The following SOX30 variants were observed in gnomAD, a reference collection of about 807,000 sequenced individuals.
SOX30 encodes transcription factor SOX-30.
Under a neutral mutation model 58.6 loss-of-function variants are expected in SOX30, and 17 were observed. The ratio of observed to expected loss-of-function variants is 0.29; its 90% CI spans 0.20 to 0.44. The LOEUF is 0.44. Among genes scored for constraint, SOX30 ranks in the 20% least tolerant of loss-of-function variants. The pLI, the probability that SOX30 is intolerant of heterozygous loss-of-function variation, is 1.00. For synonymous variants in SOX30, 421 were observed against 400.2 expected, an observed-to-expected ratio of 1.05 and a Z score of -0.62; for missense variants, 951 against 965.8, an observed-to-expected ratio of 0.98 and a Z score of 0.20.
intron 2 of SOX30, among the ~76,000 whole-genome samples, chr5:157,647,031 A>G (rs920339357): frequency 6.6e-6 from 1 of 151,714 alleles, no homozygotes. Context: ...GGCCAATGTT[A>G]TAACTCATCA....
At position 157,626,475 on chromosome 5, in the gene SOX30, G is replaced by C; in HGVS notation, c.2127C>G (p.Asn709Lys). The change falls in exon 5 of 5, where the codon AAC becomes AAG. Residue 709 changes from asparagine to lysine, a missense_variant. Coordinates refer to ENST00000265007, the MANE Select transcript of SOX30 (RefSeq NM_178424.2). The stretch of plus-strand genomic sequence containing the variant: ...TTCCAATGTCCAGCTGAGGCACAGG[G>C]TTTAAGTTTTCTTCCCCACTGTGGC... Reference protein sequence around the residue: ...SHSHSGEENLNPVPQLDIGTL... With the variant: ...SHSHSGEENLKPVPQLDIGTL... 6.2e-7 allele frequency: 1 copy of C among 1,614,162 alleles called. No individual in the cohort carries two copies. Among genetic ancestry groups the C allele is most frequent in the Non-Finnish European group, 8.5e-7 (1 of 1,180,038 alleles).
At chr5:157,649,508 G>A (rs1759275505) in intron 1 of SOX30, among the ~76,000 whole-genome samples, 1 of 152,092 alleles carries the variant, frequency 6.6e-6, no homozygotes, top group South Asian at 2.1e-4. Flanking sequence ...TAATTTTTTG[G>A]GCCAGGTACG....
At chr5:157,626,900 A>C (rs3828689) in intron 4 of SOX30, among the ~76,000 whole-genome samples, 179 bp from the exon 5 acceptor site, 35,565 of 152,190 alleles carry the variant, frequency 0.23, 6,240 homozygotes, top group African/African-American at 0.49. Flanking sequence ...GGAACAGGAA[A>C]GGGAGCTTGT....
At chr5:157,631,774 A>G (rs1758815698) in intron 4 of SOX30, among the ~76,000 whole-genome samples, 1 of 151,142 alleles carries the variant, frequency 6.6e-6, no homozygotes. Flanking sequence ...CAAAAAAAAA[A>G]AAAAAAAAAT....
In SOX30 at chr5:157,651,552, C is replaced by T; in HGVS notation, c.527G>A (p.Gly176Asp). The change falls in exon 1 of 5, where the codon GGC becomes GAC. Residue 176 changes from glycine (G) to aspartate (D), a missense_variant. Transcript: ENST00000265007. Reference sequence around the variant, plus strand: ...GCCCTTCTCGTCCCCTCGGAAGTAGCCGAGGGCCGGCCCGGGGCCTTCCAA... The same window carrying T: ...GCCCTTCTCGTCCCCTCGGAAGTAGTCGAGGGCCGGCCCGGGGCCTTCCAA... ...VKLEGPGPAL[G>D]YFRGDEKGKL... 6.2e-7 allele frequency: 1 copy of T among 1,613,076 alleles called. No individual in the cohort carries two copies.
intron 2 of SOX30, among the ~76,000 whole-genome samples, chr5:157,663,763 T>C (rs950894461): frequency 6.6e-6 from 1 of 152,162 alleles, no homozygotes; most frequent in Non-Finnish European, 1.5e-5. Context: ...AGTCTCAGGA[T>C]ACAAAATCAA....
chr5:157,656,149 GT>G (rs1471018711), upstream of SOX30, among the ~76,000 whole-genome samples: 1 of 152,160 alleles, frequency 6.6e-6, no homozygotes, highest in Non-Finnish European at 1.5e-5. Context: ...TCTTTTGTCT[GT>G]GTATTTATGT....
chr5:157,650,264 T>C (rs1759296723), intron 1 of SOX30, among the ~76,000 whole-genome samples: 1 of 151,568 alleles, frequency 6.6e-6, no homozygotes, highest in African/African-American at 2.4e-5. Flanking sequence ...AAATAAAATC[T>C]AAAAACTACT....
intron 4 of SOX30, among the ~76,000 whole-genome samples, chr5:157,628,148 T>G (rs1020400149): frequency 3.9e-5 from 6 of 151,952 alleles, no homozygotes; most frequent in Non-Finnish European, 8.8e-5. Context: ...GACCCCCATC[T>G]CAAAAAAAAA....
At chr5:157,640,952 T>C (rs1759047006) in intron 3 of SOX30, among the ~76,000 whole-genome samples, 1 of 152,154 alleles carries the variant, frequency 6.6e-6, no homozygotes, top group Non-Finnish European at 1.5e-5. Flanking sequence ...GAACCCTTTC[T>C]CCTGTGCTGT....
intron 2 of SOX30, among the ~76,000 whole-genome samples, chr5:157,666,329 T>C (rs146753049): frequency 2.9e-4 from 44 of 151,606 alleles, no homozygotes; most frequent in African/African-American, 1.0e-3. Context: ...CCTGGCTAAT[T>C]TTTGTATTTT....
At chr5:157,663,527 CT>C (rs1256462758) in intron 2 of SOX30, among the ~76,000 whole-genome samples, 9 of 152,140 alleles carry the variant, frequency 5.9e-5, no homozygotes, top group African/African-American at 2.2e-4. Context: ...GAAGCATTCC[CT>C]TTGAAAACTG....
rs1480028752 is a variant in SOX30, at chr5:157,631,214, C to T, written c.1881-4493G>A. ...TCTTCCTGCCTCAGCCTCCCAAGTA[C>T]CTGAGACTACAGGTACACCACCACA... is the stretch of plus-strand genomic sequence containing the variant. On this transcript the variant is annotated intron_variant, in intron 4 of 4. Coordinates refer to ENST00000265007, the MANE Select transcript of SOX30 (RefSeq NM_178424.2). Among the ~76,000 whole-genome samples, 5 of 151,004 alleles carry T rather than the reference C, an allele frequency of 3.3e-5. No individual in the cohort carries two copies. In the South Asian group the frequency reaches 6.2e-4, roughly 19 times the overall value.
Position 157,651,916 on chromosome 5 carries a change from A to G in SOX30, c.163T>C (p.Cys55Arg), listed in dbSNP as rs184421438. Residue 55 changes from cysteine to arginine, a missense_variant, in exon 1 of 5, where the codon TGC (cysteine) becomes CGC (arginine). Physicochemically the swap from Cys to Arg is radical, Grantham distance 180 (BLOSUM62 -3). Around this residue, in one of 7 missense-constraint regions of SOX30, gnomAD observed 363 missense variants for 294.5 expected, o/e 1.23. Coordinates refer to ENST00000265007, the MANE Select transcript of SOX30 (RefSeq NM_178424.2). ...AAASATLASSCGEAVASGLQP... is the reference protein window; with the variant it reads ...AAASATLASSRGEAVASGLQP... The stretch of plus-strand genomic sequence containing the variant: ...AAGCCGGACGCCACTGCCTCCCCGC[A>G]CGACGAGGCCAAGGTCGCACTGGCT... 0.01 allele frequency: 15,339 copies of G among 1,516,184 alleles called. 138 individuals are homozygous for G. The highest frequency in any genetic ancestry group is 0.027 in the South Asian group (2,153 of 78,428). 93.9% of individuals were successfully genotyped at this position (1,516,184 alleles called of 1,614,324 possible).
chr5:157,655,464 C>T (rs1282128848), upstream of SOX30, among the ~76,000 whole-genome samples: 1 of 152,184 alleles, frequency 6.6e-6, no homozygotes, highest in Non-Finnish European at 1.5e-5. Flanking sequence ...ACAGGTTTGG[C>T]ACTACGGTAT....
rs755566224 is a variant in SOX30 at position 157,638,639 on chromosome 5, T to C, written c.1471A>G (p.Ser491Gly). Residue 491 changes from serine (S) to glycine (G), a missense_variant, in exon 4 of 5, where the codon AGT becomes GGT. Physicochemically the swap from Ser to Gly is moderately conservative, Grantham distance 56. Transcript: ENST00000265007. ...PVTLFQPSVS[S>G]AAQVAVQDPS... Reference sequence around the variant, plus strand: ...TCCTGGACAGCCACCTGAGCAGCACTGGAGACGCTGGGCTGGAAAAGTGTG... The same window carrying C: ...TCCTGGACAGCCACCTGAGCAGCACCGGAGACGCTGGGCTGGAAAAGTGTG... The C allele has an allele frequency of 3.1e-6, 5 of 1,614,138 alleles. No homozygotes were observed. The highest frequency in any genetic ancestry group is 8.5e-7 in the Non-Finnish European group (1 of 1,180,030).
intron 2 of SOX30, among the ~76,000 whole-genome samples, chr5:157,658,988 C>T (rs1759530186): frequency 6.6e-6 from 1 of 152,166 alleles, no homozygotes; most frequent in Non-Finnish European, 1.5e-5. Flanking sequence ...TCTTATCATC[C>T]TCACTGCTAC....
intron 2 of SOX30, among the ~76,000 whole-genome samples, chr5:157,666,570 A>G (rs1408983319): frequency 6.6e-6 from 1 of 151,930 alleles, no homozygotes; most frequent in East Asian, 1.9e-4. Flanking sequence ...CATTCAGGTC[A>G]TCAAAATCGT....
intron 1 of SOX30, among the ~76,000 whole-genome samples, chr5:157,669,794 C>T (rs1174394600): frequency 2.0e-5 from 3 of 152,164 alleles, no homozygotes; most frequent in African/African-American, 7.2e-5. Context: ...GCAGGGATTA[C>T]AGGCATGAGC....
Sources: gnomAD v4.1 joint callset for allele counts (sites outside exome capture counted in the v4.1 genomes callset) on GRCh38, gnomAD v4.1.1 for gene constraint, gnomAD v4.1.1 regional missense constraint, MANE v1.5 for transcripts, NCBI Gene and HGNC (gene_info 2026-07-23, HGNC 2026-07-21) for gene names.